CBR4: variants seen among roughly 807,000 people sequenced by gnomAD.
CBR4 encodes carbonyl reductase 4, also known as 3-oxoacyl-[acyl-carrier-protein] reductase.
A neutral mutation model predicts 21.0 loss-of-function variants in CBR4; 22 were observed. The observed-to-expected ratio is 1.05, with a 90% CI of 0.75 to 1.50. The LOEUF (loss-of-function observed/expected upper bound fraction) is 1.50. CBR4 is among the 40% of genes most tolerant of loss of function. The pLI is 0.00. For missense variants in CBR4, 302 were observed against 286.3 expected (o/e 1.05, Z -0.40); for synonymous variants, 100 against 104.4 (o/e 0.96, Z 0.26).
intron 2 of CBR4, among the ~76,000 whole-genome samples, chr4:168,961,820 G>A (rs1415676846): frequency 6.6e-6 from 1 of 152,112 alleles, no homozygotes; most frequent in Non-Finnish European, 1.5e-5. Context: ...AACCCGGGAG[G>A]CGGAGGTTAC....
intron 2 of CBR4, among the ~76,000 whole-genome samples, chr4:168,912,515 A>AT (rs1759189595): frequency 6.6e-6 from 1 of 152,258 alleles, no homozygotes; most frequent in Admixed American, 6.5e-5. Flanking sequence ...TGTGTGGCTT[A>AT]TCCATGTCAT....
intron 2 of CBR4, among the ~76,000 whole-genome samples, chr4:168,974,896 T>C (rs1764322695): frequency 6.6e-6 from 1 of 152,236 alleles, no homozygotes; most frequent in Non-Finnish European, 1.5e-5. Flanking sequence ...TTGAATTCTT[T>C]TTCTGGCAAT....
chr4:168,919,350 C>T (rs1378659799), intron 2 of CBR4, among the ~76,000 whole-genome samples: 1 of 151,830 alleles, frequency 6.6e-6, no homozygotes, highest in Non-Finnish European at 1.5e-5. Flanking sequence ...ATGGTGAAAC[C>T]CCGTCTCTAC....
intron 2 of CBR4, among the ~76,000 whole-genome samples, chr4:168,947,134 A>T (rs971801252): frequency 1.3e-5 from 2 of 151,898 alleles, no homozygotes; most frequent in Admixed American, 6.6e-5. Flanking sequence ...GTTTTTTTTT[A>T]AATTGGGTAA....
intron 4 of CBR4, among the ~76,000 whole-genome samples, chr4:168,996,994 C>T (rs1765236416): frequency 6.6e-6 from 1 of 152,170 alleles, no homozygotes; most frequent in Non-Finnish European, 1.5e-5. Context: ...CTTCTTACTA[C>T]TTGTATTACT....
chr4:168,955,136 G>T (rs1331465647), intron 2 of CBR4, among the ~76,000 whole-genome samples: 2 of 152,204 alleles, frequency 1.3e-5, no homozygotes, highest in Non-Finnish European at 2.9e-5. Context: ...TAATGATTAT[G>T]ATATAACTAT....
chr4:168,894,544 C>T (rs1361595349), intron 3 of CBR4: 1 of 1,407,028 alleles, frequency 7.1e-7, no homozygotes, highest in Non-Finnish European at 1.0e-6. Context: ...TGATTTTTTT[C>T]TAATTTTGTA....
chr4:168,995,079 AC>A (rs1765126500), intron 4 of CBR4, among the ~76,000 whole-genome samples: 1 of 152,074 alleles, frequency 6.6e-6, no homozygotes, highest in African/African-American at 2.4e-5. Context: ...TAGCCCTACA[AC>A]ACTACGATTC....
intron 2 of CBR4, among the ~76,000 whole-genome samples, chr4:168,921,928 C>T (rs1405862139): frequency 6.6e-6 from 1 of 152,044 alleles, no homozygotes; most frequent in Non-Finnish European, 1.5e-5. Flanking sequence ...TTTCATTTCT[C>T]CCACTAACCT....
At chr4:168,928,326 T>TAAAA in intron 2 of CBR4, 1 of 179,412 alleles carries the variant, frequency 5.6e-6, no homozygotes, top group African/African-American at 2.4e-5. Context: ...ATTGTATTTA[T>TAAAA]AAAAAAAAAA....
At chr4:168,925,143 G>T in intron 2 of CBR4, 1 of 1,595,376 alleles carries the variant, frequency 6.3e-7, no homozygotes, top group Non-Finnish European at 8.6e-7. Flanking sequence ...TAGACATCTG[G>T]ACAGCAAATC....
intron 2 of CBR4, among the ~76,000 whole-genome samples, chr4:168,945,358 T>C (rs1199013458): frequency 6.6e-6 from 1 of 152,236 alleles, no homozygotes; most frequent in Non-Finnish European, 1.5e-5. Flanking sequence ...GAAGAATCTC[T>C]ACAAAGTTAG....
intron 2 of CBR4, among the ~76,000 whole-genome samples, chr4:168,899,916 T>C (rs1756100881): frequency 6.9e-6 from 1 of 144,518 alleles, no homozygotes; most frequent in Non-Finnish European, 1.5e-5. Context: ...AGACTCCGTC[T>C]CAAAAAAAAA....
At chr4:169,003,926 C>T (rs563608778) in intron 3 of CBR4, among the ~76,000 whole-genome samples, 103 of 152,194 alleles carry the variant, frequency 6.8e-4, no homozygotes, top group African/African-American at 2.4e-3. Flanking sequence ...AGGGGAACAT[C>T]ACGCTCTGGG....
downstream of CBR4, among the ~76,000 whole-genome samples, chr4:168,983,744 G>A (rs1185887173): frequency 1.2e-4 from 18 of 152,024 alleles, no homozygotes; most frequent in Non-Finnish European, 2.9e-5. Flanking sequence ...GGGATGCAAG[G>A]TTAATTCAAC....
At chr4:168,908,646 G>GA (rs919381755) in intron 2 of CBR4, among the ~76,000 whole-genome samples, 28 of 151,770 alleles carry the variant, frequency 1.8e-4, no homozygotes, top group Non-Finnish European at 2.4e-4. Context: ...TTTGAGTTTA[G>GA]AAAAAAAAGT....
At chr4:168,921,516 A>G in intron 2 of CBR4, 1 of 1,535,686 alleles carries the variant, frequency 6.5e-7, no homozygotes, top group Non-Finnish European at 8.9e-7. Flanking sequence ...ATTTACATGT[A>G]TTTCTTTTAT....
chr4:168,959,893 T>G (rs949425925), intron 2 of CBR4, among the ~76,000 whole-genome samples: 39 of 151,874 alleles, frequency 2.6e-4, no homozygotes, highest in Non-Finnish European at 5.0e-4. Context: ...AAAAAAACCT[T>G]CTGAAATTTG....
At chr4:168,918,565 G>A (rs1307936502) in intron 2 of CBR4, among the ~76,000 whole-genome samples, 2 of 152,104 alleles carry the variant, frequency 1.3e-5, no homozygotes, top group East Asian at 1.9e-4. Flanking sequence ...GTTAGTCAAA[G>A]CATATAAAAT....
Sources: allele counts gnomAD v4.1 joint callset (sites outside exome capture counted in the v4.1 genomes callset), GRCh38; gene constraint gnomAD v4.1.1; transcripts MANE v1.5; gene names NCBI Gene and HGNC (gene_info 2026-07-23, HGNC 2026-07-21).